The following SNTG2 variants were observed in gnomAD, a reference collection of about 807,000 sequenced individuals.
SNTG2 encodes syntrophin gamma 2, also known as gamma-2-syntrophin.
SNTG2 carries 74 observed loss-of-function variants against 70.9 expected under a neutral mutation model. The ratio of observed to expected loss-of-function variants is 1.04; its 90% CI spans 0.86 to 1.27. The LOEUF (loss-of-function observed/expected upper bound fraction) is 1.27, where lower values mean the gene tolerates loss of function less well. Among genes scored for constraint, SNTG2 ranks in the 50% most tolerant of loss-of-function variants. The probability of loss-of-function intolerance (pLI) is 0.00; values close to 1 mark genes in which losing one functional copy is unlikely to be tolerated. For missense variants in SNTG2, 717 were observed against 690.7 expected (o/e 1.04, Z -0.43); for synonymous variants, 278 against 273.8 (o/e 1.02, Z -0.15).
intron 11 of SNTG2, among the ~76,000 whole-genome samples, chr2:1,243,044 G>A (rs979754304): frequency 4.6e-5 from 7 of 152,158 alleles, no homozygotes; most frequent in African/African-American, 1.2e-4. Flanking sequence ...GAAAGCATCC[G>A]ATGTTTCCAA....
intron 1 of SNTG2, among the ~76,000 whole-genome samples, chr2:1,014,764 G>A (rs1421167021): frequency 1.3e-5 from 2 of 150,690 alleles, no homozygotes; most frequent in South Asian, 4.2e-4. Context: ...GTCTGGAGAA[G>A]GATTTATAAG....
At chr2:1,091,496 A>C (rs1347071998) in intron 2 of SNTG2, among the ~76,000 whole-genome samples, 1 of 152,184 alleles carries the variant, frequency 6.6e-6, no homozygotes, top group Non-Finnish European at 1.5e-5. Flanking sequence ...CGCAAACATC[A>C]TAAGGTCATG....
intron 6 of SNTG2, among the ~76,000 whole-genome samples, chr2:1,141,754 C>T (rs1426596745): frequency 2.7e-5 from 4 of 150,524 alleles, no homozygotes; most frequent in African/African-American, 4.9e-5. Flanking sequence ...GGAGGTTCCA[C>T]CAGTAGGACA....
chr2:1,154,459 CATAT>C (rs1669723888), intron 6 of SNTG2, among the ~76,000 whole-genome samples: 1 of 152,144 alleles, frequency 6.6e-6, no homozygotes, highest in South Asian at 2.1e-4. Flanking sequence ...GAAAGTTCTA[CATAT>C]ATGTTGAAAA....
chr2:1,081,379 C>A (rs1664285277), intron 1 of SNTG2, among the ~76,000 whole-genome samples: 1 of 152,226 alleles, frequency 6.6e-6, no homozygotes, highest in African/African-American at 2.4e-5. Flanking sequence ...CTGTTTCATG[C>A]TGGTTAGCTA....
At chr2:1,233,487 G>A (rs764343202) in intron 9 of SNTG2, among the ~76,000 whole-genome samples, 8 of 152,190 alleles carry the variant, frequency 5.3e-5, no homozygotes, top group South Asian at 4.1e-4. Flanking sequence ...CAGTGTGACC[G>A]GGCACATGAG....
chr2:1,049,118 A>T (rs1346060028), intron 1 of SNTG2, among the ~76,000 whole-genome samples: 1 of 151,990 alleles, frequency 6.6e-6, no homozygotes, highest in Non-Finnish European at 1.5e-5. Flanking sequence ...ATCTCACACC[A>T]GAAGCTTCTT....
chr2:1,132,884 C>A (rs4491751), intron 4 of SNTG2, among the ~76,000 whole-genome samples: 58,913 of 152,122 alleles, frequency 0.39, 12,456 homozygotes, highest in Non-Finnish European at 0.48. Flanking sequence ...GAGAACCATG[C>A]ATTTGCCTTT....
intron 14 of SNTG2, among the ~76,000 whole-genome samples, chr2:1,273,745 G>T (rs1007182599): frequency 9.2e-5 from 14 of 151,454 alleles, no homozygotes; most frequent in Admixed American, 3.3e-4. Context: ...GTGACCTCTG[G>T]TTATGCAAAT....
intron 6 of SNTG2, among the ~76,000 whole-genome samples, chr2:1,140,043 A>G (rs1668647005): frequency 6.6e-6 from 1 of 152,192 alleles, no homozygotes; most frequent in African/African-American, 2.4e-5. Context: ...TTAAAATGCT[A>G]AAATTCTAAA....
intron 1 of SNTG2, among the ~76,000 whole-genome samples, chr2:978,427 ACT>A (rs1352779699): frequency 6.6e-6 from 1 of 152,230 alleles, no homozygotes; most frequent in Non-Finnish European, 1.5e-5. Flanking sequence ...CAGATCCAAA[ACT>A]TTAATTATTA....
At chr2:1,110,883 G>A (rs906217704) in intron 4 of SNTG2, among the ~76,000 whole-genome samples, 11 of 152,140 alleles carry the variant, frequency 7.2e-5, no homozygotes, top group Non-Finnish European at 1.5e-4. Context: ...TATTTTAGAC[G>A]GTTGAACCTG....
intron 1 of SNTG2, among the ~76,000 whole-genome samples, chr2:1,065,607 A>T (rs73170839): frequency 0.011 from 1,680 of 152,302 alleles, 32 homozygotes; most frequent in African/African-American, 0.037. Flanking sequence ...CAAAGGAGGC[A>T]TTTTTGTTTT....
intron 1 of SNTG2, among the ~76,000 whole-genome samples, chr2:954,254 G>A (rs73908616): frequency 0.01 from 1,585 of 152,218 alleles, 27 homozygotes; most frequent in African/African-American, 0.034. Context: ...AGAGAACCCC[G>A]GCTTCGGGAA....
chr2:1,270,702 GTTC>G (rs1184736965), intron 14 of SNTG2, among the ~76,000 whole-genome samples: 6 of 152,174 alleles, frequency 3.9e-5, no homozygotes, highest in African/African-American at 7.2e-5. Flanking sequence ...CCGTAAATGT[GTTC>G]TTCTTGATTC....
chr2:1,022,817 A>G (rs139729704), intron 1 of SNTG2, among the ~76,000 whole-genome samples: 2,464 of 152,298 alleles, frequency 0.016, 51 homozygotes, highest in Middle Eastern at 0.061. Context: ...CTCCTTGTGT[A>G]GCTGAGAAGC....
At chr2:975,807 A>G (rs1285291530) in intron 1 of SNTG2, among the ~76,000 whole-genome samples, 8 of 152,256 alleles carry the variant, frequency 5.3e-5, no homozygotes, top group Non-Finnish European at 1.0e-4. Flanking sequence ...ATATGTCCAT[A>G]TAGCTATTAT....
intron 1 of SNTG2, among the ~76,000 whole-genome samples, chr2:1,042,762 C>T (rs6749755): frequency 0.15 from 22,714 of 152,048 alleles, 2,284 homozygotes; most frequent in African/African-American, 0.28. Context: ...TCTTTATCTG[C>T]TCCACTGTTG....
chr2:1,287,165 ATTCC>A (rs1201330321), intron 14 of SNTG2, among the ~76,000 whole-genome samples: 1 of 152,200 alleles, frequency 6.6e-6, no homozygotes, highest in Non-Finnish European at 1.5e-5. Flanking sequence ...CTCATTCTTC[ATTCC>A]TTCCTTCTGT....
Sources: allele counts gnomAD v4.1 joint callset (sites outside exome capture counted in the v4.1 genomes callset), GRCh38; gene constraint gnomAD v4.1.1; transcripts MANE v1.5; gene names NCBI Gene and HGNC (gene_info 2026-07-23, HGNC 2026-07-21).